CDH12: variants seen among roughly 807,000 people sequenced by gnomAD.
CDH12 encodes cadherin-12.
A neutral mutation model predicts 74.1 loss-of-function variants in CDH12; 41 were observed. The ratio of observed to expected loss-of-function variants is 0.55; its 90% CI spans 0.43 to 0.72. CDH12 has a LOEUF of 0.72. CDH12 is among the 30% of genes least tolerant of loss of function. The probability of loss-of-function intolerance (pLI) is 0.00; values close to 1 mark genes in which losing one functional copy is unlikely to be tolerated. For synonymous variants in CDH12, 399 were observed against 355.0 expected (o/e 1.12, Z -1.39); for missense variants, 945 against 977.2 (o/e 0.97, Z 0.44).
intron 4 of CDH12, among the ~76,000 whole-genome samples, chr5:22,176,855 T>G (rs1344018038): frequency 6.6e-6 from 1 of 152,102 alleles, no homozygotes; most frequent in African/African-American, 2.4e-5. Context: ...CACCTCTGAC[T>G]TCCCTCACTA....
At chr5:22,538,274 G>T (rs561560609) in intron 1 of CDH12, among the ~76,000 whole-genome samples, 1 of 151,862 alleles carries the variant, frequency 6.6e-6, no homozygotes, top group African/African-American at 2.4e-5. Context: ...ACTCCCTCTG[G>T]TCTCACATCA....
At chr5:22,754,821 C>T (rs1024879942) in intron 1 of CDH12, among the ~76,000 whole-genome samples, 2 of 152,052 alleles carry the variant, frequency 1.3e-5, no homozygotes, top group South Asian at 2.1e-4. Flanking sequence ...ATCAAAGAAA[C>T]GGGTTAGGTG....
chr5:21,976,099 C>G lies in CDH12; in HGVS notation c.232-714G>C, dbSNP rs181154219. Among the ~76,000 whole-genome samples the G allele has an allele frequency of 7.6e-3, 1,151 of 152,206 alleles. 9 individuals carry two copies. The highest frequency in any genetic ancestry group is 0.026 in the African/African-American group (1,077 of 41,528). On this transcript the variant is annotated intron_variant, in intron 5 of 14. Transcript: ENST00000382254. ...GGGCAGAGCATCTCATTTTAACAGG[C>G]TGAGTTTGAATGAGTTTACCACTAT...
intron 1 of CDH12, among the ~76,000 whole-genome samples, chr5:22,678,057 T>C (rs1741305257): frequency 1.4e-5 from 2 of 145,064 alleles, no homozygotes; most frequent in African/African-American, 5.1e-5. Flanking sequence ...GGGGGGGGGT[T>C]AGGATTTTAA....
chr5:22,690,241 A>G (rs962943288), intron 1 of CDH12, among the ~76,000 whole-genome samples: 2 of 152,114 alleles, frequency 1.3e-5, no homozygotes, highest in Admixed American at 1.3e-4. Context: ...CCTTGGTTTT[A>G]GTGAATCTTC....
intron 4 of CDH12, among the ~76,000 whole-genome samples, chr5:22,190,403 T>G (rs958287861): frequency 2.5e-4 from 37 of 148,580 alleles, no homozygotes; most frequent in African/African-American, 9.0e-4. Flanking sequence ...TATCTATCTA[T>G]CCTCTATCCA....
intron 8 of CDH12, among the ~76,000 whole-genome samples, chr5:21,840,218 C>T (rs1252533109): frequency 6.6e-6 from 1 of 152,104 alleles, no homozygotes; most frequent in Non-Finnish European, 1.5e-5. Context: ...TGTGTCAAAA[C>T]TATGAGGCTC....
chr5:22,422,404 A>T (rs144021413), intron 2 of CDH12, among the ~76,000 whole-genome samples: 1 of 152,032 alleles, frequency 6.6e-6, no homozygotes, highest in Non-Finnish European at 1.5e-5. Flanking sequence ...TAATTTGCAT[A>T]TGTTGAACCA....
At chr5:21,861,383 T>G (rs1330274706) in intron 6 of CDH12, among the ~76,000 whole-genome samples, 1 of 152,044 alleles carries the variant, frequency 6.6e-6, no homozygotes, top group Non-Finnish European at 1.5e-5. Flanking sequence ...GCAATTGCAT[T>G]AATTTAAAAT....
chr5:21,801,995 C>T (rs1747136709), intron 10 of CDH12, among the ~76,000 whole-genome samples, 172 bp downstream of exon 10: 1 of 152,078 alleles, frequency 6.6e-6, no homozygotes, highest in African/African-American at 2.4e-5. Flanking sequence ...ATGTTTTCCC[C>T]CCAATCCTAT....
chr5:22,714,504 T>C (rs1743470227), intron 1 of CDH12, among the ~76,000 whole-genome samples: 1 of 152,202 alleles, frequency 6.6e-6, no homozygotes, highest in Non-Finnish European at 1.5e-5. Context: ...TGCTATCTGA[T>C]GGCAGGTCAT....
At chr5:22,389,620 A>G (rs1254128171) in intron 3 of CDH12, among the ~76,000 whole-genome samples, 1 of 151,570 alleles carries the variant, frequency 6.6e-6, no homozygotes, top group Non-Finnish European at 1.5e-5. Context: ...GAGAATACAG[A>G]CATACATTTT....
At chr5:21,898,722 T>C (rs555979757) in intron 6 of CDH12, among the ~76,000 whole-genome samples, 37 of 151,590 alleles carry the variant, frequency 2.4e-4, no homozygotes, top group Non-Finnish European at 4.7e-4. Context: ...TAAATAAATA[T>C]ATAAATAAAT....
At chr5:21,929,619 G>A (rs558199832) in intron 6 of CDH12, among the ~76,000 whole-genome samples, 1 of 152,148 alleles carries the variant, frequency 6.6e-6, no homozygotes, top group South Asian at 2.1e-4. Context: ...CCAACCTCAG[G>A]TGATCCTCTC....
intron 8 of CDH12, among the ~76,000 whole-genome samples, chr5:21,821,193 G>C (rs1748350427): frequency 6.6e-6 from 1 of 151,678 alleles, no homozygotes; most frequent in Admixed American, 6.6e-5. Flanking sequence ...CGGGCGGGGA[G>C]AGTGGGGACA....
At chr5:22,196,772 C>T (rs1750641707) in intron 4 of CDH12, among the ~76,000 whole-genome samples, 2 of 152,162 alleles carry the variant, frequency 1.3e-5, no homozygotes, top group Admixed American at 6.5e-5. Context: ...CTTTCAATCT[C>T]AGCCTAAAGT....
At chr5:21,845,098 T>A (rs1418208689) in intron 7 of CDH12, among the ~76,000 whole-genome samples, 2 of 152,110 alleles carry the variant, frequency 1.3e-5, no homozygotes, top group African/African-American at 2.4e-5. Context: ...AGCAACTGTA[T>A]GAATAACGGA....
At chr5:22,280,240 C>A (rs998641451) in intron 3 of CDH12, among the ~76,000 whole-genome samples, 1 of 151,662 alleles carries the variant, frequency 6.6e-6, no homozygotes, top group East Asian at 1.9e-4. Flanking sequence ...TTTTTCCTTG[C>A]AAATTTGTTT....
chr5:22,722,476 C>T (rs1452477001), intron 1 of CDH12, among the ~76,000 whole-genome samples: 1 of 152,100 alleles, frequency 6.6e-6, no homozygotes, highest in African/African-American at 2.4e-5. Context: ...AATGACTCTC[C>T]CTTATATATT....
Sources: allele counts gnomAD v4.1 joint callset (sites outside exome capture counted in the v4.1 genomes callset), GRCh38; gene constraint gnomAD v4.1.1; transcripts MANE v1.5; gene names NCBI Gene and HGNC (gene_info 2026-07-23, HGNC 2026-07-21).